Variants in DPYD observed in about 807,000 individuals in gnomAD.
DPYD encodes dihydropyrimidine dehydrogenase [NADP(+)].
In DPYD, 109 loss-of-function variants were observed where a neutral mutation model predicts 116.2. The ratio of observed to expected loss-of-function variants is 0.94; its 90% CI spans 0.80 to 1.10. The LOEUF is 1.10. DPYD is among the 50% of genes least tolerant of loss of function. The pLI, the probability that DPYD is intolerant of heterozygous loss-of-function variation, is 0.00. For synonymous variants in DPYD, 440 were observed against 432.0 expected (o/e 1.02, Z -0.23); for missense variants, 1,302 against 1,254.5 (o/e 1.04, Z -0.57).
At chr1:97,259,215 C>G (rs1663710960) in intron 18 of DPYD, among the ~76,000 whole-genome samples, 1 of 151,934 alleles carries the variant, frequency 6.6e-6, no homozygotes. Context: ...AAATAGGATC[C>G]TAGAGCTCAA....
At chr1:97,768,302 T>C (rs1268507478) in intron 3 of DPYD, among the ~76,000 whole-genome samples, 2 of 152,168 alleles carry the variant, frequency 1.3e-5, no homozygotes. Flanking sequence ...AAAATTTCCT[T>C]ATAATGAGGC....
chr1:97,333,517 ATTTT>A (rs778577478), intron 16 of DPYD, among the ~76,000 whole-genome samples: 1 of 97,060 alleles, frequency 1.0e-5, no homozygotes, highest in African/African-American at 4.2e-5. Flanking sequence ...AAGTCTTAGG[ATTTT>A]TTTTTTTTTT....
At chr1:97,794,109 T>G (rs1027539107) in intron 3 of DPYD, among the ~76,000 whole-genome samples, 8 of 152,280 alleles carry the variant, frequency 5.3e-5, no homozygotes, top group African/African-American at 1.9e-4. Context: ...AGCTAATTTT[T>G]GTATATTTAG....
intron 3 of DPYD, among the ~76,000 whole-genome samples, chr1:97,745,863 G>A (rs1040686161): frequency 1.3e-5 from 2 of 151,984 alleles, no homozygotes; most frequent in African/African-American, 2.4e-5. Context: ...TTTAAAAGGT[G>A]GTGTTCTAGT....
At chr1:97,134,492 T>C (rs1430578995) in intron 20 of DPYD, among the ~76,000 whole-genome samples, 1 of 152,154 alleles carries the variant, frequency 6.6e-6, no homozygotes, top group African/African-American at 2.4e-5. Flanking sequence ...CGTGACAGGA[T>C]GGTAATAATA....
chr1:97,565,519 A>G (rs1191326553), intron 11 of DPYD, among the ~76,000 whole-genome samples: 1 of 152,058 alleles, frequency 6.6e-6, no homozygotes, highest in Non-Finnish European at 1.5e-5. Context: ...ACCACACACC[A>G]TCTGGTCCAG....
At chr1:97,226,857 A>T (rs879503671) in intron 19 of DPYD, among the ~76,000 whole-genome samples, 53 of 151,460 alleles carry the variant, frequency 3.5e-4, no homozygotes, top group Admixed American at 8.5e-4. Flanking sequence ...CATTTTTCAT[A>T]AAAAAAATCA....
At chr1:97,646,719 T>C (rs1355394709) in intron 8 of DPYD, among the ~76,000 whole-genome samples, 1 of 152,140 alleles carries the variant, frequency 6.6e-6, no homozygotes, top group African/African-American at 2.4e-5. Context: ...TTACTCATCA[T>C]GTAATGAGCT....
chr1:97,762,597 AT>A (rs1364419515), intron 3 of DPYD, among the ~76,000 whole-genome samples: 1 of 152,124 alleles, frequency 6.6e-6, no homozygotes, highest in African/African-American at 2.4e-5. Context: ...TTGATTAGTC[AT>A]TCTCTAAATC....
rs560010716 is a variant in DPYD, at chr1:97,420,414, T to C, written c.1905+29645A>G. 3.3e-5 allele frequency among the ~76,000 whole-genome samples: 5 copies of C among 152,262 alleles called. No individual in the cohort carries two copies. In the South Asian group the frequency reaches 1.0e-3, roughly 32 times the overall value. On this transcript the variant is annotated intron_variant, in intron 14 of 22. Transcript: ENST00000370192. ...AGATTTTTTTACCTTGCCATGTTCA[T>C]TTCTGAACTCTTATTTTTTCCTTGG... is the stretch of plus-strand genomic sequence containing the variant.
chr1:97,460,355 C>T lies in DPYD; in HGVS notation c.1741-10132G>A, dbSNP rs193239559. Reference sequence around the variant, plus strand: ...GGGATTACAGATCCCTTGGTGGATCCCTAATCTACCACTGATGAGGATTTC... The same window carrying T: ...GGGATTACAGATCCCTTGGTGGATCTCTAATCTACCACTGATGAGGATTTC... On this transcript the variant is annotated intron_variant, in intron 13 of 22. Coordinates refer to ENST00000370192, the MANE Select transcript of DPYD (RefSeq NM_000110.4). Among the ~76,000 whole-genome samples, 122 of 152,076 alleles carry T rather than the reference C, an allele frequency of 8.0e-4. 1 individual carries two copies. The highest frequency in any genetic ancestry group is 2.9e-3 in the African/African-American group (122 of 41,484).
chr1:97,870,137 T>G (rs2101614237), intron 2 of DPYD, among the ~76,000 whole-genome samples: 1 of 152,020 alleles, frequency 6.6e-6, no homozygotes, highest in East Asian at 1.9e-4. Flanking sequence ...TTAACATTTT[T>G]AGGATAAATC....
At chr1:97,694,891 T>A (rs547426372) in intron 6 of DPYD, among the ~76,000 whole-genome samples, 1 of 152,224 alleles carries the variant, frequency 6.6e-6, no homozygotes, top group Non-Finnish European at 1.5e-5. Flanking sequence ...ACAATAGCCA[T>A]AGTTGCTATT....
intron 8 of DPYD, among the ~76,000 whole-genome samples, chr1:97,630,636 C>T (rs992857949): frequency 6.6e-6 from 1 of 152,116 alleles, no homozygotes; most frequent in African/African-American, 2.4e-5. Context: ...AGTCTTTCTT[C>T]TAAACTTGTA....
chr1:97,739,513 A>G (rs538661508), intron 4 of DPYD, among the ~76,000 whole-genome samples: 2 of 152,272 alleles, frequency 1.3e-5, no homozygotes, highest in African/African-American at 4.8e-5. Context: ...AAAAGTATTT[A>G]TCATTTTTCT....
At chr1:97,401,811 A>G (rs1054127891) in intron 14 of DPYD, among the ~76,000 whole-genome samples, 3 of 152,090 alleles carry the variant, frequency 2.0e-5, no homozygotes, top group Non-Finnish European at 4.4e-5. Flanking sequence ...AATTTTGGTG[A>G]AGGGTGTGTC....
chr1:97,466,058 A>T (rs184604338), intron 13 of DPYD, among the ~76,000 whole-genome samples: 85 of 152,268 alleles, frequency 5.6e-4, no homozygotes, highest in African/African-American at 2.0e-3. Flanking sequence ...CTATGATTGC[A>T]CCACTGCACT....
At chr1:97,724,636 G>C (rs1392951920) in intron 4 of DPYD, among the ~76,000 whole-genome samples, 2 of 151,418 alleles carry the variant, frequency 1.3e-5, no homozygotes, top group Non-Finnish European at 3.0e-5. Context: ...TCCTTTAACT[G>C]ATTAGATGAG....
At chr1:97,466,780 C>A (rs536902736) in intron 13 of DPYD, among the ~76,000 whole-genome samples, 7 of 152,178 alleles carry the variant, frequency 4.6e-5, no homozygotes, top group Non-Finnish European at 1.0e-4. Context: ...GCATCCAGTA[C>A]TAAACCTACC....
Sources: allele counts gnomAD v4.1 joint callset (sites outside exome capture counted in the v4.1 genomes callset), GRCh38; gene constraint gnomAD v4.1.1; transcripts MANE v1.5; gene names NCBI Gene and HGNC (gene_info 2026-07-23, HGNC 2026-07-21).